The following NRXN1 variants were observed in gnomAD, a reference collection of about 807,000 sequenced individuals.
NRXN1 encodes neurexin-1.
Under a neutral mutation model 150.9 loss-of-function variants are expected in NRXN1, and 39 were observed. That is an observed-to-expected ratio of 0.26 (90% confidence interval 0.20 to 0.34). The LOEUF (loss-of-function observed/expected upper bound fraction) is 0.34. Among genes scored for constraint, NRXN1 ranks in the 10% least tolerant of loss-of-function variants. NRXN1 has a pLI of 1.00. For missense variants in NRXN1, 1,815 were observed against 1,949.9 expected (o/e 0.93, Z 1.30); for synonymous variants, 924 against 757.0 (o/e 1.22, Z -3.62).
rs1254608750 is a variant in NRXN1 at position 50,127,440 on chromosome 2, TG to T, written c.3547-35947del. Among the ~76,000 whole-genome samples, 8 of 152,256 alleles carry T rather than the reference TG, an allele frequency of 5.3e-5. No homozygotes were observed. In the South Asian group the frequency reaches 8.3e-4, roughly 16 times the overall value. ...TTTTTTTTGTCACTTGAAATAGAAT[TG>T]TGAAAAATATTTACATTTCAAATAT... On this transcript the variant is annotated intron_variant, in intron 18 of 22. Transcript: ENST00000401669.
At chr2:51,020,483 C>A (rs1669435378) in intron 2 of NRXN1, among the ~76,000 whole-genome samples, 1 of 151,782 alleles carries the variant, frequency 6.6e-6, no homozygotes, top group Admixed American at 6.6e-5. Flanking sequence ...AAAATGACCC[C>A]AAAGTAGATG....
chr2:50,235,986 A>C (rs2065380852), intron 18 of NRXN1, among the ~76,000 whole-genome samples: 1 of 152,080 alleles, frequency 6.6e-6, no homozygotes, highest in Non-Finnish European at 1.5e-5. Context: ...GTGCTTCTTT[A>C]CAAATAATGC....
At chr2:50,511,665 C>T (rs2092457067) in intron 12 of NRXN1, among the ~76,000 whole-genome samples, 1 of 152,110 alleles carries the variant, frequency 6.6e-6, no homozygotes, top group Non-Finnish European at 1.5e-5. Flanking sequence ...TTCAAGGTGT[C>T]TCTAAGATTA....
intron 17 of NRXN1, among the ~76,000 whole-genome samples, chr2:50,250,308 G>C (rs2152897174): frequency 6.6e-6 from 1 of 152,198 alleles, no homozygotes; most frequent in South Asian, 2.1e-4. Context: ...AATTTAATAT[G>C]GCTCTGAAAA....
chr2:50,759,168 T>C (rs935992502), intron 5 of NRXN1, among the ~76,000 whole-genome samples: 22 of 151,918 alleles, frequency 1.4e-4, no homozygotes, highest in Admixed American at 1.4e-3. Flanking sequence ...TAGTGACAAA[T>C]TGTAGATAAA....
chr2:49,939,275 A>G (rs550442253), intron 22 of NRXN1, among the ~76,000 whole-genome samples: 2 of 152,236 alleles, frequency 1.3e-5, no homozygotes, highest in East Asian at 3.9e-4. Flanking sequence ...TTTTGAGAAA[A>G]ATTATGAAAA....
intron 2 of NRXN1, among the ~76,000 whole-genome samples, chr2:50,928,861 T>C (rs901204946): frequency 6.6e-6 from 1 of 152,106 alleles, no homozygotes; most frequent in African/African-American, 2.4e-5. Flanking sequence ...GTAAATGAAG[T>C]GCGTCTCTTA....
intron 17 of NRXN1, among the ~76,000 whole-genome samples, chr2:50,405,556 G>A (rs2082697984): frequency 6.6e-6 from 1 of 152,134 alleles, no homozygotes; most frequent in Admixed American, 6.6e-5. Flanking sequence ...CCTGTTGGTA[G>A]CACCCAATTT....
At chr2:50,985,917 A>C (rs1697625538) in intron 2 of NRXN1, among the ~76,000 whole-genome samples, 1 of 151,784 alleles carries the variant, frequency 6.6e-6, no homozygotes, top group African/African-American at 2.4e-5. Flanking sequence ...ATTATATAAA[A>C]AGATTCTACA....
At chr2:50,422,167 T>G (rs1345629896) in intron 17 of NRXN1, among the ~76,000 whole-genome samples, 1 of 152,174 alleles carries the variant, frequency 6.6e-6, no homozygotes, top group African/African-American at 2.4e-5. Flanking sequence ...CAATGCATTA[T>G]TTAGTCATAT....
At chr2:50,216,179 C>T (rs907922294) in intron 18 of NRXN1, among the ~76,000 whole-genome samples, 9 of 151,892 alleles carry the variant, frequency 5.9e-5, no homozygotes, top group Non-Finnish European at 1.2e-4. Flanking sequence ...TATGATCCCA[C>T]CACGGCACCC....
intron 5 of NRXN1, among the ~76,000 whole-genome samples, chr2:50,753,322 G>A (rs568100116): frequency 6.6e-6 from 1 of 152,012 alleles, no homozygotes; most frequent in East Asian, 1.9e-4. Context: ...AGAGGAACAG[G>A]TTTTCAGGAA....
At chr2:50,584,836 G>C (rs1672834510) in intron 8 of NRXN1, among the ~76,000 whole-genome samples, 1 of 152,144 alleles carries the variant, frequency 6.6e-6, no homozygotes, top group African/African-American at 2.4e-5. Flanking sequence ...ATATGAATGT[G>C]ATGGAAATAT....
chr2:50,357,498 G>T lies in NRXN1; in HGVS notation c.3364+107944C>A, dbSNP rs148348630. Reference sequence around the variant, plus strand: ...TAATTTTGTATTTTTAGTAGAGATGGGGTTTCTCCATGTTAGTCAGGCTGA... The same window carrying T: ...TAATTTTGTATTTTTAGTAGAGATGTGGTTTCTCCATGTTAGTCAGGCTGA... On this transcript the variant is annotated intron_variant, in intron 17 of 22. Coordinates refer to ENST00000401669, the MANE Select transcript of NRXN1 (RefSeq NM_001330078.2). Among the ~76,000 whole-genome samples, 1,128 of 151,770 alleles carry T rather than the reference G, an allele frequency of 7.4e-3. 25 individuals carry two copies. Among genetic ancestry groups the T allele is most frequent in the African/African-American group, 0.026 (1,071 of 41,368 alleles).
chr2:50,715,531 C>T (rs1232027449), intron 5 of NRXN1, among the ~76,000 whole-genome samples: 1 of 152,070 alleles, frequency 6.6e-6, no homozygotes, highest in Admixed American at 6.6e-5. Flanking sequence ...CATAAATATG[C>T]CGTCTATTTC....
intron 8 of NRXN1, among the ~76,000 whole-genome samples, chr2:50,581,340 A>G (rs1672233392): frequency 6.6e-6 from 1 of 152,192 alleles, no homozygotes; most frequent in African/African-American, 2.4e-5. Flanking sequence ...CCTAATAATG[A>G]TAATCCAAAT....
chr2:50,350,956 G>A (rs1410659809), intron 17 of NRXN1, among the ~76,000 whole-genome samples: 2 of 152,132 alleles, frequency 1.3e-5, no homozygotes, highest in African/African-American at 4.8e-5. Flanking sequence ...CTGTGATACG[G>A]ATACAGCAAT....
intron 18 of NRXN1, among the ~76,000 whole-genome samples, chr2:50,215,844 GC>G (rs2063357999): frequency 6.6e-6 from 1 of 151,954 alleles, no homozygotes; most frequent in African/African-American, 2.4e-5. Flanking sequence ...CTCATGCTTT[GC>G]CCAACCATAT....
chr2:50,970,533 G>C (rs1212496667), intron 2 of NRXN1, among the ~76,000 whole-genome samples: 1 of 151,980 alleles, frequency 6.6e-6, no homozygotes, highest in Non-Finnish European at 1.5e-5. Flanking sequence ...TTTATATTAA[G>C]GTGAGCAGTA....
Sources: allele counts gnomAD v4.1 joint callset (sites outside exome capture counted in the v4.1 genomes callset), GRCh38; gene constraint gnomAD v4.1.1; transcripts MANE v1.5; gene names NCBI Gene and HGNC (gene_info 2026-07-23, HGNC 2026-07-21).